GRIA4: variants seen among roughly 807,000 people sequenced by gnomAD.
The protein encoded by GRIA4 is glutamate receptor 4.
Under a neutral mutation model 104.0 loss-of-function variants are expected in GRIA4, and 34 were observed. The ratio of observed to expected loss-of-function variants is 0.33; its 90% CI spans 0.25 to 0.44. The LOEUF is 0.44. Among genes scored for constraint, GRIA4 ranks in the 20% least tolerant of loss-of-function variants. The pLI is 1.00. For synonymous variants in GRIA4, 386 were observed against 381.9 expected (o/e 1.01, Z -0.13); for missense variants, 750 against 1,096.5 (o/e 0.68, Z 4.46).
intron 14 of GRIA4, among the ~76,000 whole-genome samples, chr11:105,965,038 C>T (rs534703367): frequency 1.4e-4 from 22 of 152,104 alleles, no homozygotes; most frequent in Non-Finnish European, 7.4e-5. Context: ...AACTCCTGAC[C>T]TCAGGTGACT....
At chr11:105,719,391 T>C (rs1304711831) in intron 3 of GRIA4, among the ~76,000 whole-genome samples, 2 of 152,138 alleles carry the variant, frequency 1.3e-5, no homozygotes, top group East Asian at 1.9e-4. Context: ...ATTCCTCTCA[T>C]CAAATTAGTA....
At chr11:105,907,748 T>G (rs1947093917) in intron 9 of GRIA4, among the ~76,000 whole-genome samples, 2 of 152,132 alleles carry the variant, frequency 1.3e-5, no homozygotes, top group Non-Finnish European at 2.9e-5. Context: ...TAATGGAAAA[T>G]TGATGTGCAT....
At chr11:105,921,725 A>T (rs1333673751) in intron 11 of GRIA4, among the ~76,000 whole-genome samples, 1 of 152,144 alleles carries the variant, frequency 6.6e-6, no homozygotes, top group African/African-American at 2.4e-5. Flanking sequence ...ATTTCAGAAG[A>T]TACCTCACAG....
chr11:105,910,243 C>A (rs1158449521), intron 9 of GRIA4, among the ~76,000 whole-genome samples, 192 bp from the exon 10 acceptor site: 1 of 151,974 alleles, frequency 6.6e-6, no homozygotes, highest in African/African-American at 2.4e-5. Flanking sequence ...AAGACAGGAT[C>A]CTTAATACCA....
At chr11:105,618,493 G>C (rs1422173318) in intron 3 of GRIA4, among the ~76,000 whole-genome samples, 1 of 151,922 alleles carries the variant, frequency 6.6e-6, no homozygotes, top group Non-Finnish European at 1.5e-5. Context: ...TGTGTGGGAG[G>C]GTGCAGGGGA....
chr11:105,871,679 T>C (rs1591376083), intron 5 of GRIA4, among the ~76,000 whole-genome samples: 1 of 151,500 alleles, frequency 6.6e-6, no homozygotes, highest in Non-Finnish European at 1.5e-5. Context: ...TAAACTCAAA[T>C]GTGAAAAAAA....
intron 4 of GRIA4, among the ~76,000 whole-genome samples, chr11:105,851,425 T>C (rs1017713474): frequency 8.5e-5 from 13 of 152,162 alleles, no homozygotes; most frequent in South Asian, 4.1e-4. Context: ...AAGTAGCACA[T>C]AGGACTTATT....
At chr11:105,840,564 G>T (rs1040208656) in intron 4 of GRIA4, among the ~76,000 whole-genome samples, 1 of 152,150 alleles carries the variant, frequency 6.6e-6, no homozygotes, top group Middle Eastern at 3.2e-3. Context: ...GCACCCTGTT[G>T]TGCTGTATAA....
chr11:105,903,083 G>C (rs1354808717), intron 7 of GRIA4, among the ~76,000 whole-genome samples: 1 of 152,118 alleles, frequency 6.6e-6, no homozygotes, highest in Non-Finnish European at 1.5e-5. Flanking sequence ...TTTTCTCAAA[G>C]AGAAGCAGAT....
chr11:105,946,964 G>A (rs1395262969), intron 14 of GRIA4, among the ~76,000 whole-genome samples: 2 of 152,164 alleles, frequency 1.3e-5, no homozygotes, highest in Non-Finnish European at 2.9e-5. Flanking sequence ...CTTAAAGTTG[G>A]ATTGTTAGAG....
chr11:105,637,235 A>G (rs1335751173), intron 3 of GRIA4, among the ~76,000 whole-genome samples: 2 of 152,168 alleles, frequency 1.3e-5, no homozygotes, highest in Non-Finnish European at 2.9e-5. Flanking sequence ...ATACATAATT[A>G]TGTTAATACA....
intron 4 of GRIA4, among the ~76,000 whole-genome samples, chr11:105,858,335 C>T (rs1329644904): frequency 1.3e-5 from 2 of 151,914 alleles, no homozygotes; most frequent in East Asian, 3.9e-4. Flanking sequence ...TTTTGTTTCA[C>T]CTTTGTATTT....
At chr11:105,652,754 T>C (rs569702440) in intron 3 of GRIA4, among the ~76,000 whole-genome samples, 24 of 152,304 alleles carry the variant, frequency 1.6e-4, no homozygotes, top group Admixed American at 1.5e-3. Flanking sequence ...GGGAATACAT[T>C]CCAAGACCTG....
intron 6 of GRIA4, among the ~76,000 whole-genome samples, chr11:105,888,420 A>ACTACAGGTGCCCGCCACTACGCCCGG: frequency 1.3e-5 from 2 of 149,908 alleles, no homozygotes; most frequent in Non-Finnish European, 3.0e-5. Flanking sequence ...AGTAGCTGGG[A>ACTACAGGTGCCCGCCACTACGCCCGG]CTACAGGTGC....
chr11:105,793,805 A>C (rs1942330065), intron 4 of GRIA4, among the ~76,000 whole-genome samples: 1 of 152,040 alleles, frequency 6.6e-6, no homozygotes, highest in East Asian at 1.9e-4. Context: ...GATATGCCCA[A>C]CATGCTATAC....
At chr11:105,684,471 A>C (rs1396098906) in intron 3 of GRIA4, among the ~76,000 whole-genome samples, 1 of 150,894 alleles carries the variant, frequency 6.6e-6, no homozygotes. Context: ...ACTTAGAGTG[A>C]CCACATTAAG....
chr11:105,792,694 A>G (rs1942266188), intron 4 of GRIA4, among the ~76,000 whole-genome samples: 1 of 152,170 alleles, frequency 6.6e-6, no homozygotes, highest in Non-Finnish European at 1.5e-5. Flanking sequence ...GCGGTTATAC[A>G]TATCATTATT....
At chr11:105,821,889 A>T (rs1020879958) in intron 4 of GRIA4, among the ~76,000 whole-genome samples, 1 of 152,154 alleles carries the variant, frequency 6.6e-6, no homozygotes, top group African/African-American at 2.4e-5. Context: ...AAGCCGAGTC[A>T]GGCTGATCTC....
intron 3 of GRIA4, chr11:105,613,418 T>C (rs974046478): frequency 5.3e-5 from 8 of 152,188 alleles, no homozygotes; most frequent in Non-Finnish European, 7.4e-5. Flanking sequence ...TGACTATAGA[T>C]TATTTAAGAA....
Sources: gnomAD v4.1 joint callset for allele counts (sites outside exome capture counted in the v4.1 genomes callset) on GRCh38, gnomAD v4.1.1 for gene constraint, MANE v1.5 for transcripts, NCBI Gene and HGNC (gene_info 2026-07-23, HGNC 2026-07-21) for gene names.